The following DLGAP1 variants were observed in gnomAD, a reference collection of about 807,000 sequenced individuals.
The protein encoded by DLGAP1 is DLG associated protein 1.
Under a neutral mutation model 90.8 loss-of-function variants are expected in DLGAP1, and 11 were observed. The ratio of observed to expected loss-of-function variants is 0.12; its 90% CI spans 0.08 to 0.20. The LOEUF (loss-of-function observed/expected upper bound fraction) is 0.20. DLGAP1 is among the 10% of genes least tolerant of loss of function. The pLI, the probability that DLGAP1 is intolerant of heterozygous loss-of-function variation, is 1.00. For synonymous variants in DLGAP1, 558 were observed against 540.7 expected (o/e 1.03, Z -0.44); for missense variants, 1,050 against 1,333.8 (o/e 0.79, Z 3.31).
At chr18:4,262,402 T>C (rs565956206) in intron 1 of DLGAP1, among the ~76,000 whole-genome samples, 1 of 152,208 alleles carries the variant, frequency 6.6e-6, no homozygotes, top group Non-Finnish European at 1.5e-5. Context: ...TTATCAGAAA[T>C]AACTGAGGAG....
At chr18:4,252,132 C>T (rs981061096) in intron 1 of DLGAP1, among the ~76,000 whole-genome samples, 3 of 152,128 alleles carry the variant, frequency 2.0e-5, no homozygotes, top group Non-Finnish European at 4.4e-5. Context: ...GGAGTTGGCC[C>T]GGTGGCTTGG....
rs2071257574 is a variant in DLGAP1, at chr18:3,884,480, C to T, written c.-72-4340G>A. Among the ~76,000 whole-genome samples the T allele has an allele frequency of 4.6e-5, 7 of 152,114 alleles. No homozygotes were observed. The South Asian group carries it at 1.4e-3, about 31-fold the overall frequency. On this transcript the variant is annotated intron_variant, in intron 3 of 12. Transcript: ENST00000315677. ...ATGTGAAACTGGCAAGAGCTGAAAA[C>T]ATGAATTATACATGTTTACTCCAAA...
rs945683382 is a variant in DLGAP1 at position 4,084,855 on chromosome 18, G to A, written c.-159+66325C>T. ...TTTAGACCCAGCCAAGGGACCCTAGGAAGAGTGAAGGAAAGCCTTTCCTCC... is the reference window on the plus strand; with the variant it reads ...TTTAGACCCAGCCAAGGGACCCTAGAAAGAGTGAAGGAAAGCCTTTCCTCC... On this transcript the variant is annotated intron_variant, in intron 2 of 12. Coordinates refer to ENST00000315677, the MANE Select transcript of DLGAP1 (RefSeq NM_004746.4). This position sits in a 1 kb window ranked among gnomAD's most constrained non-coding sequence, Gnocchi z 4.0. Among the ~76,000 whole-genome samples, 4 of 152,150 alleles carry A rather than the reference G, an allele frequency of 2.6e-5. No homozygotes were observed. The highest frequency in any genetic ancestry group is 5.9e-5 in the Non-Finnish European group (4 of 68,026).
chr18:4,393,173 A>G (rs1398118054), intron 1 of DLGAP1, among the ~76,000 whole-genome samples: 1 of 152,210 alleles, frequency 6.6e-6, no homozygotes, highest in African/African-American at 2.4e-5. Flanking sequence ...AATTTTGTTG[A>G]TTGCCTTAAA....
At chr18:4,431,796 C>A (rs1036081065) in intron 1 of DLGAP1, among the ~76,000 whole-genome samples, 1 of 152,130 alleles carries the variant, frequency 6.6e-6, no homozygotes, top group East Asian at 1.9e-4. Context: ...ACAAAGAGTT[C>A]TCTTATTAGA....
chr18:4,153,319 C>A (rs992200009), intron 1 of DLGAP1, among the ~76,000 whole-genome samples: 2 of 152,158 alleles, frequency 1.3e-5, no homozygotes, highest in Non-Finnish European at 2.9e-5. Context: ...ATGATCCCAG[C>A]TAATTCTCCT....
chr18:3,746,118 G>T (rs1002760033), intron 5 of DLGAP1, among the ~76,000 whole-genome samples: 1 of 152,204 alleles, frequency 6.6e-6, no homozygotes, highest in Non-Finnish European at 1.5e-5. Context: ...TATTGCAAAC[G>T]TGGCAGTTGG....
At position 3,580,531 on chromosome 18, in the gene DLGAP1, G is replaced by A. The variant is rs575206910; in HGVS notation, c.1965+1344C>T. On this transcript the variant is annotated intron_variant, in intron 8 of 12. Coordinates refer to ENST00000315677, the MANE Select transcript of DLGAP1 (RefSeq NM_004746.4). ...AGGAGGAAGAGGAGGCGGCGGCAGC[G>A]GAGATGGCAGTGGAGGTGGCAGAGC... 2.8e-5 allele frequency: 44 copies of A among 1,598,546 alleles called. No homozygotes were observed. In the African/African-American group the frequency reaches 2.9e-4, roughly 11 times the overall value.
At chr18:4,125,596 T>C (rs768340435) in intron 2 of DLGAP1, among the ~76,000 whole-genome samples, 6 of 151,992 alleles carry the variant, frequency 3.9e-5, no homozygotes, top group Admixed American at 3.3e-4. Context: ...CAGGGAAGTG[T>C]GGTAACCCCA....
chr18:4,178,996 G>T (rs1378866521), intron 1 of DLGAP1, among the ~76,000 whole-genome samples: 1 of 152,044 alleles, frequency 6.6e-6, no homozygotes, highest in Non-Finnish European at 1.5e-5. Flanking sequence ...TATGTGTTTA[G>T]TGTAAAAATC....
At chr18:4,025,348 T>G (rs1442153830) in intron 2 of DLGAP1, among the ~76,000 whole-genome samples, 1 of 152,028 alleles carries the variant, frequency 6.6e-6, no homozygotes, top group African/African-American at 2.4e-5. Context: ...GTCACATCAG[T>G]ACTCAAAAAT....
chr18:3,872,834 A>T (rs548652168), intron 4 of DLGAP1, among the ~76,000 whole-genome samples: 1 of 152,246 alleles, frequency 6.6e-6, no homozygotes, highest in East Asian at 1.9e-4. Flanking sequence ...GAATGGAAAA[A>T]GGGGAAACGA....
At chr18:3,659,508 T>C (rs146051580) in intron 7 of DLGAP1, among the ~76,000 whole-genome samples, 93 of 136,896 alleles carry the variant, frequency 6.8e-4, no homozygotes, top group African/African-American at 2.4e-3. Context: ...GAAAATACAA[T>C]TGAAAACAAC....
At chr18:4,240,830 T>C (rs988577723) in intron 1 of DLGAP1, among the ~76,000 whole-genome samples, 1 of 152,228 alleles carries the variant, frequency 6.6e-6, no homozygotes, top group Non-Finnish European at 1.5e-5. Flanking sequence ...GATCAACAAA[T>C]GATGGGCTTC....
intron 1 of DLGAP1, among the ~76,000 whole-genome samples, chr18:4,180,300 A>G (rs1370373110): frequency 1.3e-5 from 2 of 152,170 alleles, no homozygotes; most frequent in African/African-American, 2.4e-5. Context: ...AGTCCCACAA[A>G]GGAGGGTGAC....
In DLGAP1 at chr18:4,037,122, CAGA is replaced by C. The variant is rs367742546; in HGVS notation, c.-158-31924_-158-31922del. On this transcript the variant is annotated intron_variant, in intron 2 of 12. Coordinates refer to ENST00000315677, the MANE Select transcript of DLGAP1 (RefSeq NM_004746.4). ...AATACTAGAAGGCAAAGTTGTACTT[CAGA>C]AGATGAAGAGAGTTGAGAAACAGTA... is the stretch of plus-strand genomic sequence containing the variant. 8.3e-4 allele frequency among the ~76,000 whole-genome samples: 127 copies of C among 152,228 alleles called. No individual in the cohort carries two copies. In the Middle Eastern group the frequency reaches 0.014, roughly 16 times the overall value.
intron 2 of DLGAP1, among the ~76,000 whole-genome samples, chr18:4,126,870 C>T (rs77128376): frequency 0.014 from 2,122 of 152,286 alleles, 47 homozygotes; most frequent in South Asian, 0.077. Context: ...ACAGCTGTCC[C>T]AGATTAATGA....
In DLGAP1 at chr18:3,600,965, TATAG is replaced by T. The variant is rs1241859629; in HGVS notation, c.1592-18721_1592-18718del. Among the ~76,000 whole-genome samples the T allele has an allele frequency of 1.4e-3, 63 of 44,322 alleles. 6 individuals are homozygous for T. The highest frequency in any genetic ancestry group is 0.033 in the Middle Eastern group (2 of 60). 29.1% of individuals were successfully genotyped at this position (44,322 alleles called of 152,430 possible). A position where few individuals can be genotyped will look rare whatever the true frequency, so the allele number is the denominator to read the frequency against. ...ATAGATATATAGATATATATAGATATATAGATAGATATATAGATATAGATATATA... is the reference window on the plus strand; with the variant it reads ...ATAGATATATAGATATATATAGATATATAGATATATAGATATAGATATATA... On this transcript the variant is annotated intron_variant, in intron 7 of 12. Transcript: ENST00000315677.
chr18:4,151,861 C>T (rs543753537), intron 1 of DLGAP1, among the ~76,000 whole-genome samples: 3 of 152,178 alleles, frequency 2.0e-5, no homozygotes, highest in Admixed American at 6.5e-5. Context: ...CTAATGCATG[C>T]GGGTCTTAAA....
Sources: gnomAD v4.1 joint callset for allele counts (sites outside exome capture counted in the v4.1 genomes callset) on GRCh38, gnomAD v4.1.1 for gene constraint, Gnocchi (gnomAD v3.1) non-coding constraint, MANE v1.5 for transcripts, NCBI Gene and HGNC (gene_info 2026-07-23, HGNC 2026-07-21) for gene names.